Variants in PRSS58 observed in about 807,000 individuals in gnomAD.
The protein encoded by PRSS58 is protease, serine 58.
A neutral mutation model predicts 25.0 loss-of-function variants in PRSS58; 31 were observed. That is an observed-to-expected ratio of 1.24 (90% CI 0.93 to 1.67). The LOEUF (loss-of-function observed/expected upper bound fraction) is 1.67, where lower values mean the gene tolerates loss of function less well. PRSS58 is among the 40% of genes most tolerant of loss of function. PRSS58 has a pLI of 0.00. For missense variants in PRSS58, 324 were observed against 287.9 expected, an observed-to-expected ratio of 1.13 and a Z score of -0.91; for synonymous variants, 119 against 106.1, an observed-to-expected ratio of 1.12 and a Z score of -0.75.
At chr7:142,254,026 T>C (rs1174407456) in intron 4 of PRSS58, among the ~76,000 whole-genome samples, 1 of 152,158 alleles carries the variant, frequency 6.6e-6, no homozygotes. Context: ...CATCTGCCTG[T>C]TGGTTTCTAT....
rs749393139 is a variant in PRSS58, at chr7:142,255,035, G to T, written c.436+20C>A. 6.2e-7 allele frequency: 1 copy of T among 1,611,268 alleles called. No individual in the cohort carries two copies. Reference sequence around the variant, plus strand: ...AGAAGCATGTCTAATTCTGAGAGAAGAACATTGTCTTGAACTCACAGATAT... The same window carrying T: ...AGAAGCATGTCTAATTCTGAGAGAATAACATTGTCTTGAACTCACAGATAT... On this transcript the variant is annotated intron_variant, in intron 4 of 5. Transcript: ENST00000547058.
rs1798533904 is a variant in PRSS58 at position 142,255,220 on chromosome 7, G to A, written c.271C>T (p.Pro91Ser). ...TCAATAGAAGTGACTGAGAAGTGTG[G>A]ATGATGAATCATCTTCTCATAGCCA... ...VIGYEKMIHHPHFSVTSIDHD... is the reference protein window; with the variant it reads ...VIGYEKMIHHSHFSVTSIDHD... The change falls in exon 4 of 6, where the codon CCA becomes TCA. Residue 91 changes from proline (P) to serine (S), a missense_variant. Pro to Ser is a moderately conservative substitution (Grantham distance 74). Transcript: ENST00000547058. The A allele has an allele frequency of 1.9e-6, 3 of 1,613,936 alleles. No homozygotes were observed. The highest frequency in any genetic ancestry group is 2.2e-5 in the East Asian group (1 of 44,878).
At chr7:142,255,509 A>G in intron 3 of PRSS58, 26 bp downstream of exon 3, 10 of 1,613,884 alleles carry the variant, frequency 6.2e-6, no homozygotes, top group Non-Finnish European at 8.5e-6. Context: ...CAAAGAATGG[A>G]GTGCCTTTGA....
At chr7:142,255,375 T>G in intron 3 of PRSS58, 64 bp from the exon 4 acceptor site, 1 of 1,585,098 alleles carries the variant, frequency 6.3e-7, no homozygotes, top group South Asian at 1.1e-5. Flanking sequence ...ATTATGAGCC[T>G]CTATTATCCC....
At chr7:142,252,684 C>T in intron 4 of PRSS58, 73 bp from the exon 5 acceptor site, 2 of 1,465,898 alleles carry the variant, frequency 1.4e-6, no homozygotes, top group Non-Finnish European at 1.8e-6. Flanking sequence ...AAAAACTTTT[C>T]TTCTTCTACC....
rs1563317754 is a variant in PRSS58 at position 142,255,533 on chromosome 7, A to G, written c.179+2T>C. On this transcript the variant is annotated splice_donor_variant, in intron 3 of 5. Coordinates refer to ENST00000547058, the MANE Select transcript of PRSS58 (RefSeq NM_001001317.5). LOFTEE classifies it high-confidence loss of function. ...GAGTGCCTTTGAAGGCTTATCACTC[A>G]CGGTAAATTGCAGTGTGCAGCTGTG... 3.1e-6 allele frequency: 5 copies of G among 1,614,060 alleles called. No homozygotes were observed. The highest frequency in any genetic ancestry group is 4.2e-6 in the Non-Finnish European group (5 of 1,179,980).
intron 2 of PRSS58, among the ~76,000 whole-genome samples, chr7:142,256,665 T>A (rs1798560753): frequency 6.6e-6 from 1 of 152,172 alleles, no homozygotes; most frequent in Non-Finnish European, 1.5e-5. Flanking sequence ...CTTGATATGT[T>A]GCCCAGGCTG....
Position 142,255,269 on chromosome 7 carries a change from A to G in PRSS58, c.222T>C (p.Ser74=). 1.2e-6 allele frequency: 2 copies of G among 1,613,964 alleles called. No homozygotes were observed. Among genetic ancestry groups the G allele is most frequent in the Non-Finnish European group, 1.7e-6 (2 of 1,179,824 alleles). ...CAATCACTTGCAGATGCTTTTCATT[A>G]GAGTCTGCTGGGATTGTAACCCCCA... is the stretch of plus-strand genomic sequence containing the variant. ...VILGVTIPAD[S]NEKHLQVIGY... The change falls in exon 4 of 6, where the codon TCT becomes TCC. Residue 74 remains serine (S), a synonymous_variant. Coordinates refer to ENST00000547058, the MANE Select transcript of PRSS58 (RefSeq NM_001001317.5).
At chr7:142,255,476 A>T in intron 3 of PRSS58, 59 bp downstream of exon 3, 1 of 1,608,738 alleles carries the variant, frequency 6.2e-7, no homozygotes, top group Non-Finnish European at 8.5e-7. Flanking sequence ...CAGGGGTGAG[A>T]GTCTGTGCCC....
At chr7:142,254,328 G>A (rs1238292110) in intron 4 of PRSS58, among the ~76,000 whole-genome samples, 1 of 152,196 alleles carries the variant, frequency 6.6e-6, no homozygotes, top group African/African-American at 2.4e-5. Flanking sequence ...GGCAGATGGA[G>A]ATGCAACTTA....
intron 5 of PRSS58, 41 bp from the exon 6 acceptor site, chr7:142,252,411 T>C (rs750137185): frequency 1.2e-6 from 2 of 1,611,146 alleles, no homozygotes; most frequent in East Asian, 4.5e-5. Flanking sequence ...AAAAGCAGAT[T>C]ATCTTTCTGG....
Position 142,255,044 on chromosome 7 carries a change from C to G in PRSS58, c.436+11G>C, listed in dbSNP as rs1160678252. 2.5e-6 allele frequency: 4 copies of G among 1,612,932 alleles called. No homozygotes were observed. The highest frequency in any genetic ancestry group is 2.5e-6 in the Non-Finnish European group (3 of 1,179,344). On this transcript the variant is annotated intron_variant, in intron 4 of 5. Coordinates refer to ENST00000547058, the MANE Select transcript of PRSS58 (RefSeq NM_001001317.5). ...TCTAATTCTGAGAGAAGAACATTGT[C>G]TTGAACTCACAGATATCACACACAT...
chr7:142,253,806 G>A (rs1379321893), intron 4 of PRSS58, among the ~76,000 whole-genome samples: 1 of 152,004 alleles, frequency 6.6e-6, no homozygotes, highest in Non-Finnish European at 1.5e-5. Flanking sequence ...GTCATATCTC[G>A]TTTTGAACCT....
intron 4 of PRSS58, 95 bp from the exon 5 acceptor site, chr7:142,252,706 A>G: frequency 1.5e-6 from 2 of 1,319,148 alleles, no homozygotes; most frequent in Non-Finnish European, 2.1e-6. Flanking sequence ...TCAGAAATTA[A>G]AAGAGATCAA....
chr7:142,257,568 A>G, intron 2 of PRSS58, 100 bp downstream of exon 2: 2 of 1,055,486 alleles, frequency 1.9e-6, no homozygotes, highest in Non-Finnish European at 2.9e-6. Flanking sequence ...ACCATCCTAC[A>G]CTTGAATTCT....
intron 4 of PRSS58, 99 bp from the exon 5 acceptor site, chr7:142,252,710 A>G: frequency 7.7e-7 from 1 of 1,294,618 alleles, no homozygotes; most frequent in South Asian, 1.5e-5. Flanking sequence ...AAATTAAAAG[A>G]GATCAAACAT....
At position 142,255,348 on chromosome 7, in the gene PRSS58, G is replaced by A. The variant is rs1184672008; in HGVS notation, c.180-37C>T. On this transcript the variant is annotated intron_variant, in intron 3 of 5. Coordinates refer to ENST00000547058, the MANE Select transcript of PRSS58 (RefSeq NM_001001317.5). Reference sequence around the variant, plus strand: ...TAGACGTTTATGAGAGGACTTAACAGAGATGGCTTCTCCATCATTATGAGC... The same window carrying A: ...TAGACGTTTATGAGAGGACTTAACAAAGATGGCTTCTCCATCATTATGAGC... The A allele has an allele frequency of 3.1e-6, 5 of 1,602,852 alleles. No homozygotes were observed. In the East Asian group the frequency reaches 1.1e-4, roughly 36 times the overall value.
chr7:142,252,367 C>T lies in PRSS58; in HGVS notation c.580G>A (p.Val194Ile), dbSNP rs369875290. The T allele has an allele frequency of 1.2e-6, 2 of 1,612,686 alleles. No individual in the cohort carries two copies. The change falls in exon 6 of 6, where the codon GTT becomes ATT. Residue 194 changes from valine (V) to isoleucine (I), a missense_variant. By Grantham distance (29) the Val-to-Ile change is conservative. Coordinates refer to ENST00000547058, the MANE Select transcript of PRSS58 (RefSeq NM_001001317.5). ...TTGCAGATTGCCGGGGCAGCAGAAA[C>T]TTCCTGCCAGGAAAACAATAATAAC... ...VPGRRQPCKE[V>I]SAAPAICNGM...
chr7:142,255,392 C>G, intron 3 of PRSS58, 81 bp from the exon 4 acceptor site: 2 of 1,579,612 alleles, frequency 1.3e-6, no homozygotes, highest in Non-Finnish European at 1.7e-6. Flanking sequence ...TCCCTCCCCA[C>G]AGACCTTTTT....
Sources: allele counts gnomAD v4.1 joint callset (sites outside exome capture counted in the v4.1 genomes callset), GRCh38; gene constraint gnomAD v4.1.1; transcripts MANE v1.5; gene names NCBI Gene and HGNC (gene_info 2026-07-23, HGNC 2026-07-21).